The following PCTP variants were observed in gnomAD, a reference collection of about 807,000 sequenced individuals.
PCTP encodes the protein START domain-containing protein 2.
A neutral mutation model predicts 31.0 loss-of-function variants in PCTP; 27 were observed. The observed-to-expected ratio is 0.87, with a 90% confidence interval of 0.64 to 1.20. The LOEUF (loss-of-function observed/expected upper bound fraction) is 1.20, where lower values mean the gene tolerates loss of function less well. PCTP is among the 50% of genes most tolerant of loss of function. The pLI is 0.00. For missense variants in PCTP, 287 were observed against 268.2 expected (o/e 1.07, Z -0.49); for synonymous variants, 108 against 101.2 (o/e 1.07, Z -0.40).
chr17:55,813,268 T>C (rs907659872), intron 3 of PCTP, among the ~76,000 whole-genome samples: 12 of 152,050 alleles, frequency 7.9e-5, no homozygotes, highest in Non-Finnish European at 1.5e-4. Context: ...AAGAAGTACG[T>C]TATTTATTTA....
At chr17:55,843,665 C>G (rs541531374), downstream of PCTP, among the ~76,000 whole-genome samples, 1 of 152,168 alleles carries the variant, frequency 6.6e-6, no homozygotes, top group Non-Finnish European at 1.5e-5. Flanking sequence ...GCAAACCTCT[C>G]GCATGACTCT....
downstream of PCTP, among the ~76,000 whole-genome samples, chr17:55,824,340 T>C (rs1394947678): frequency 2.6e-5 from 4 of 152,082 alleles, no homozygotes; most frequent in Non-Finnish European, 5.9e-5. Context: ...TATAGCCATT[T>C]CTAAAATGAA....
downstream of PCTP, chr17:55,777,521 G>T (rs1911398353): frequency 2.4e-6 from 1 of 422,844 alleles, no homozygotes; most frequent in Admixed American, 6.4e-5. Context: ...GCATGATCAG[G>T]TGTAGGTATC....
chr17:55,816,443 G>A lies in PCTP; in HGVS notation c.318-6318G>A, dbSNP rs112210964. Among the ~76,000 whole-genome samples, 337 of 152,268 alleles carry A rather than the reference G, an allele frequency of 2.2e-3. 1 individual carries two copies. The highest frequency in any genetic ancestry group is 7.8e-3 in the African/African-American group (325 of 41,560). On this transcript the variant is annotated intron_variant, in intron 3 of 3. Coordinates refer to the PCTP transcript ENST00000572536. ...AACCTGGTACCTAGTAGGCCTTTTA[G>A]CAAGGCTATATTAGTTACTTGATTT...
intron 3 of PCTP, among the ~76,000 whole-genome samples, chr17:55,793,346 C>T (rs796252154): frequency 1.6e-4 from 24 of 152,150 alleles, no homozygotes; most frequent in African/African-American, 4.8e-4. Context: ...CCCCTGTTTC[C>T]TAACCCTTTA....
chr17:55,819,543 G>A (rs1043938878), intron 3 of PCTP, among the ~76,000 whole-genome samples: 1 of 152,068 alleles, frequency 6.6e-6, no homozygotes, highest in African/African-American at 2.4e-5. Flanking sequence ...TTTAGTTCAG[G>A]AGTTCAAGAC....
chr17:55,850,424 T>C, the PCTP span, among the ~76,000 whole-genome samples: 1 of 152,250 alleles, frequency 6.6e-6, no homozygotes, highest in Non-Finnish European at 1.5e-5. Flanking sequence ...TGATATGATA[T>C]GTACTTTGCT....
At chr17:55,816,564 G>A (rs370189608) in intron 3 of PCTP, among the ~76,000 whole-genome samples, 184 of 152,308 alleles carry the variant, frequency 1.2e-3, no homozygotes, top group Middle Eastern at 3.4e-3. Context: ...TACCCATGGC[G>A]TGTTAATGGT....
intron 1 of PCTP, among the ~76,000 whole-genome samples, chr17:55,765,463 C>G (rs1910587187): frequency 6.6e-6 from 1 of 152,152 alleles, no homozygotes; most frequent in Non-Finnish European, 1.5e-5. Flanking sequence ...TTCCCTTTCC[C>G]CAGGATCTAT....
intron 3 of PCTP, among the ~76,000 whole-genome samples, chr17:55,810,764 T>C (rs1912726904): frequency 6.6e-6 from 1 of 152,128 alleles, no homozygotes; most frequent in Non-Finnish European, 1.5e-5. Flanking sequence ...AGGAGGGAAA[T>C]TGGGGTTTAA....
At chr17:55,804,861 T>C (rs1912526075) in intron 3 of PCTP, among the ~76,000 whole-genome samples, 2 of 151,652 alleles carry the variant, frequency 1.3e-5, no homozygotes, top group African/African-American at 4.8e-5. Flanking sequence ...TAAAATTTAA[T>C]AAAAAAAATT....
At chr17:55,769,824 A>C (rs922857327) in intron 2 of PCTP, 1 of 151,356 alleles carries the variant, frequency 6.6e-6, no homozygotes. Context: ...TTGCGAAACC[A>C]TGCAGCTGAG....
intron 5 of PCTP, among the ~76,000 whole-genome samples, chr17:55,834,931 G>A (rs1180611992): frequency 6.6e-6 from 1 of 152,158 alleles, no homozygotes; most frequent in African/African-American, 2.4e-5. Flanking sequence ...TCTGAGAATA[G>A]GGTTATTGCA....
At chr17:55,783,020 G>A (rs996869380) in intron 2 of PCTP, among the ~76,000 whole-genome samples, 5 of 152,118 alleles carry the variant, frequency 3.3e-5, no homozygotes, top group South Asian at 2.1e-4. Context: ...GGGGCAACAA[G>A]CTCAAAGTCC....
Position 55,776,766 on chromosome 17 carries a change from C to G in PCTP, c.*666C>G. Reference sequence around the variant, plus strand: ...ATTTGGAGAAGTATCAGAGGCCTGACCGGACACATAATATGACAACCACAT... The same window carrying G: ...ATTTGGAGAAGTATCAGAGGCCTGAGCGGACACATAATATGACAACCACAT... On this transcript the variant is annotated 3_prime_UTR_variant, in exon 6 of 6. Transcript: ENST00000268896. 9 of 1,136,574 alleles carry G rather than the reference C, an allele frequency of 7.9e-6. No individual in the cohort carries two copies. Among genetic ancestry groups the G allele is most frequent in the Non-Finnish European group, 9.7e-6 (9 of 927,812 alleles). The allele number at this position is 1,136,574 out of a possible 1,614,324, so 70.4% of individuals were successfully genotyped here.
chr17:55,761,183 A>G (rs997461770), intron 1 of PCTP, among the ~76,000 whole-genome samples: 2 of 152,192 alleles, frequency 1.3e-5, no homozygotes, highest in African/African-American at 2.4e-5. Context: ...GATAACACCA[A>G]CTTCCCTATC....
At chr17:55,771,682 G>A (rs745968688) in intron 3 of PCTP, among the ~76,000 whole-genome samples, 39 of 152,290 alleles carry the variant, frequency 2.6e-4, no homozygotes, top group Non-Finnish European at 2.8e-4. Context: ...CTCCTTGATT[G>A]TTGGCTCTGG....
intron 3 of PCTP, among the ~76,000 whole-genome samples, chr17:55,817,458 T>TTTTAACCTAAAG (rs1912961574): frequency 2.0e-5 from 3 of 152,250 alleles, no homozygotes; most frequent in Non-Finnish European, 4.4e-5. Context: ...ATGACCATCT[T>TTTTAACCTAAAG]GTGCTTTTTA....
chr17:55,805,886 A>ATATGTGTGTGTGTGTGTGTGTG (rs1912564157), intron 3 of PCTP, among the ~76,000 whole-genome samples: 1 of 142,762 alleles, frequency 7.0e-6, no homozygotes, highest in Non-Finnish European at 1.5e-5. Flanking sequence ...CTCAATCTGT[A>ATATGTGTGTGTGTGTGTGTGTG]TGTGTGTGTG....
Sources: allele counts gnomAD v4.1 joint callset (sites outside exome capture counted in the v4.1 genomes callset), GRCh38; gene constraint gnomAD v4.1.1; transcripts MANE v1.5; gene names NCBI Gene and HGNC (gene_info 2026-07-23, HGNC 2026-07-21).